The following ADORA3 variants were observed in gnomAD, a reference collection of about 807,000 sequenced individuals.
The protein encoded by ADORA3 is adenosine receptor A3.
Under a neutral mutation model 5.7 loss-of-function variants are expected in ADORA3, and 3 were observed. That is an observed-to-expected ratio of 0.52 (90% CI 0.24 to 1.35). ADORA3 has a LOEUF of 1.35. ADORA3 is among the 40% of genes most tolerant of loss of function. The probability of loss-of-function intolerance (pLI) is 0.17; values close to 1 mark genes in which losing one functional copy is unlikely to be tolerated. For synonymous variants in ADORA3, 168 were observed against 152.3 expected (o/e 1.10, Z -0.76); for missense variants, 343 against 389.0 (o/e 0.88, Z 0.99).
chr1:111,502,260 TATATAGGATATATATTCATTATAATAA>T (rs1557824396), intron 1 of ADORA3, among the ~76,000 whole-genome samples: 1 of 87,144 alleles, frequency 1.1e-5, no homozygotes, highest in Non-Finnish European at 2.1e-5. Context: ...TTATAATAAA[TATATAGGATATATATTCATTATAATAA>T]ATATATAGGA....
chr1:111,502,231 AAT>A lies in ADORA3; in HGVS notation c.350+772_350+773del, dbSNP rs1352318283. On this transcript the variant is annotated intron_variant, in intron 1 of 1. Coordinates refer to ENST00000241356, the MANE Select transcript of ADORA3 (RefSeq NM_000677.4). ...TATAGGATATATATTTATTATAATG[AAT>A]ATATAGGATATATTTATTATAATAA... 1.4e-4 allele frequency among the ~76,000 whole-genome samples: 3 copies of A among 21,642 alleles called. No homozygotes were observed. The East Asian group carries it at 2.4e-3, about 17-fold the overall frequency. The allele number at this position is 21,642 out of a possible 152,430, so 14.2% of individuals were successfully genotyped here.
chr1:111,500,067 G>C lies in ADORA3; in HGVS notation c.840C>G (p.Ile280Met). 1 of 1,614,208 alleles carries C rather than the reference G, an allele frequency of 6.2e-7. No homozygotes were observed. Among genetic ancestry groups the C allele is most frequent in the Non-Finnish European group, 8.5e-7 (1 of 1,180,038 alleles). ...ACTTCTTTATTTTATAGGCATAGAC[G>C]ATAGGGTTCATCATGGAGTTGGCAT... Reference protein sequence around the residue: ...LSHANSMMNPIVYAYKIKKFK... With the variant: ...LSHANSMMNPMVYAYKIKKFK... Residue 280 changes from isoleucine to methionine, a missense_variant, in exon 2 of 2, where the codon ATC (isoleucine) becomes ATG (methionine). By Grantham distance (10) the Ile-to-Met change is conservative. Coordinates refer to ENST00000241356, the MANE Select transcript of ADORA3 (RefSeq NM_000677.4).
Position 111,500,050 on chromosome 1 carries a change from A to G in ADORA3, c.857T>C (p.Ile286Thr). Reference protein sequence around the residue: ...MMNPIVYAYKIKKFKETYLLI... With the variant: ...MMNPIVYAYKTKKFKETYLLI... ...AAGGTAGGTTTCCTTGAACTTCTTT[A>G]TTTTATAGGCATAGACGATAGGGTT... Residue 286 changes from isoleucine (I) to threonine (T), a missense_variant, in exon 2 of 2, where the codon ATA (isoleucine) becomes ACA (threonine). Physicochemically the swap from Ile to Thr is moderately conservative, Grantham distance 89. Coordinates refer to ENST00000241356, the MANE Select transcript of ADORA3 (RefSeq NM_000677.4). 1 of 1,614,226 alleles carries G rather than the reference A, an allele frequency of 6.2e-7. No individual in the cohort carries two copies. Among genetic ancestry groups the G allele is most frequent in the South Asian group, 1.1e-5 (1 of 91,084 alleles).
rs770181778 is a variant in ADORA3, at chr1:111,499,982, A to G, written c.925T>C (p.Leu309=). 8 of 1,614,010 alleles carry G rather than the reference A, an allele frequency of 5.0e-6. No individual in the cohort carries two copies. The highest frequency in any genetic ancestry group is 6.8e-6 in the Non-Finnish European group (8 of 1,179,998). The change falls in exon 2 of 2, where the codon TTG becomes CTG. Residue 309 remains leucine, a synonymous_variant. Transcript: ENST00000241356. Reference sequence around the variant, plus strand: ...GAATTCTTCTCAATGCTTGTGTCCAAAGAATCAGAGGGATGGCAGACCACA... The same window carrying G: ...GAATTCTTCTCAATGCTTGTGTCCAGAGAATCAGAGGGATGGCAGACCACA... ...ACVVCHPSDS[L]DTSIEKNSE is the part of the protein sequence containing the mutation.
chr1:111,500,101 AG>A lies in ADORA3; in HGVS notation c.805del (p.Leu269CysfsTer8). 1 of 1,614,194 alleles carries A rather than the reference AG, an allele frequency of 6.2e-7. No homozygotes were observed. On this transcript the variant is annotated frameshift_variant, in exon 2 of 2. Coordinates refer to ENST00000241356, the MANE Select transcript of ADORA3 (RefSeq NM_000677.4). LOFTEE classifies it low-confidence loss of function (END_TRUNC). ...VPQLVLYMGI[L>X]LSHANSMMNP... ...CATCATGGAGTTGGCATGGGACAGC[AG>A]GATGCCCATGTACAGCACAAGCTGT... is the stretch of plus-strand genomic sequence containing the variant.
chr1:111,502,627 C>T (rs1655297991), intron 1 of ADORA3, among the ~76,000 whole-genome samples: 1 of 150,192 alleles, frequency 6.7e-6, no homozygotes. Context: ...TGTTTATCTG[C>T]CTGCTTCTCC....
At position 111,500,451 on chromosome 1, in the gene ADORA3, T is replaced by A. The variant is rs1251228786; in HGVS notation, c.456A>T (p.Lys152Asn). 6.2e-7 allele frequency: 1 copy of A among 1,614,186 alleles called. No homozygotes were observed. The highest frequency in any genetic ancestry group is 1.1e-5 in the South Asian group (1 of 91,078). ...CATTTCTGTGGTACTCTGAGGTCAG[T>A]TTCATGTTCCAGCCAAACATGGGGG... is the stretch of plus-strand genomic sequence containing the variant. The part of the protein sequence containing the change: ...GLTPMFGWNM[K>N]LTSEYHRNVT... The change falls in exon 2 of 2, where the codon AAA becomes AAT. Residue 152 changes from lysine (K) to asparagine (N), a missense_variant. Coordinates refer to ENST00000241356, the MANE Select transcript of ADORA3 (RefSeq NM_000677.4).
chr1:111,502,957 T>A, intron 1 of ADORA3, 48 bp downstream of exon 1: 1 of 1,597,182 alleles, frequency 6.3e-7, no homozygotes, highest in Non-Finnish European at 8.5e-7. Flanking sequence ...CTTTGTAGCC[T>A]CATTTCCCAG....
At position 111,502,248 on chromosome 1, in the gene ADORA3, T is replaced by TATTATAATAAATATATAGGATATATATTC. The variant is rs1557824359; in HGVS notation, c.350+728_350+756dup. Among the ~76,000 whole-genome samples, 3 of 75,632 alleles carry TATTATAATAAATATATAGGATATATATTC rather than the reference T, an allele frequency of 4.0e-5. No individual in the cohort carries two copies. In the East Asian group the frequency reaches 1.4e-3, roughly 34 times the overall value. The allele number at this position is 75,632 out of a possible 152,430, so 49.6% of individuals were successfully genotyped here. On this transcript the variant is annotated intron_variant, in intron 1 of 1. Coordinates refer to ENST00000241356, the MANE Select transcript of ADORA3 (RefSeq NM_000677.4). The stretch of plus-strand genomic sequence containing the variant: ...TTATAATGAATATATAGGATATATT[T>TATTATAATAAATATATAGGATATATATTC]ATTATAATAAATATATAGGATATAT...
At position 111,502,411 on chromosome 1, in the gene ADORA3, A is replaced by AAT. The variant is rs1184655881; in HGVS notation, c.350+593_350+594insAT. Among the ~76,000 whole-genome samples, 936 of 133,450 alleles carry AAT rather than the reference A, an allele frequency of 7.0e-3. 345 individuals carry two copies. Among genetic ancestry groups the AAT allele is most frequent in the East Asian group, 0.031 (148 of 4,734 alleles). 87.5% of individuals were successfully genotyped at this position (133,450 alleles called of 152,430 possible). On this transcript the variant is annotated intron_variant, in intron 1 of 1. Coordinates refer to ENST00000241356, the MANE Select transcript of ADORA3 (RefSeq NM_000677.4). ...TATATAGGATACATATATTTATTAT[A>AAT]GTGAATATATATAGGATACATATAT...
Position 111,503,072 on chromosome 1 carries a change from G to A in ADORA3, c.283C>T (p.His95Tyr). The A allele has an allele frequency of 6.2e-7, 1 of 1,614,164 alleles. No individual in the cohort carries two copies. Among genetic ancestry groups the A allele is most frequent in the Non-Finnish European group, 8.5e-7 (1 of 1,180,032 alleles). Residue 95 changes from histidine to tyrosine, a missense_variant, in exon 1 of 2, where the codon CAC becomes TAC. Transcript: ENST00000241356. ...FMTCLLLIFT[H>Y]ASIMSLLAIA... ...GCCAGCAAGGACATGATGGAGGCGTGGGTAAAGATAAGCAGTAGGCAAGTC... is the reference window on the plus strand; with the variant it reads ...GCCAGCAAGGACATGATGGAGGCGTAGGTAAAGATAAGCAGTAGGCAAGTC...
In ADORA3 at chr1:111,503,074, G is replaced by T; in HGVS notation, c.281C>A (p.Thr94Asn). Residue 94 changes from threonine to asparagine, a missense_variant, in exon 1 of 2, where the codon ACC (threonine) becomes AAC (asparagine). Thr to Asn is a moderately conservative substitution (Grantham distance 65, BLOSUM62 0). Transcript: ENST00000241356. ...CAGCAAGGACATGATGGAGGCGTGG[G>T]TAAAGATAAGCAGTAGGCAAGTCAT... ...LFMTCLLLIF[T>N]HASIMSLLAI... 1 of 1,614,208 alleles carries T rather than the reference G, an allele frequency of 6.2e-7. No individual in the cohort carries two copies. Among genetic ancestry groups the T allele is most frequent in the Non-Finnish European group, 8.5e-7 (1 of 1,180,026 alleles).
chr1:111,501,920 A>G (rs1221065262), intron 1 of ADORA3, among the ~76,000 whole-genome samples: 5 of 151,148 alleles, frequency 3.3e-5, no homozygotes, highest in Admixed American at 6.7e-5. Context: ...AGTTCGTTCT[A>G]TTCATATGGT....
chr1:111,500,746 C>A, intron 1 of ADORA3, 190 bp from the exon 2 acceptor site: 1 of 599,886 alleles, frequency 1.7e-6, no homozygotes. Context: ...GATACGAAGA[C>A]AAGATGAGCA....
chr1:111,502,046 TTA>T (rs1247283701), intron 1 of ADORA3, among the ~76,000 whole-genome samples: 86 of 39,616 alleles, frequency 2.2e-3, no homozygotes, highest in Admixed American at 5.0e-3. Flanking sequence ...GGATATATAT[TTA>T]ATATAATAAA....
In ADORA3 at chr1:111,499,945, G is replaced by A. The variant is rs768682866; in HGVS notation, c.*5C>T. 1.9e-6 allele frequency: 3 copies of A among 1,612,996 alleles called. No individual in the cohort carries two copies. The South Asian group carries it at 3.3e-5, about 18-fold the overall frequency. Reference sequence around the variant, plus strand: ...CAATGAGACAGAGTCATCTCTGATGGATAACTACTCAGAATTCTTCTCAAT... The same window carrying A: ...CAATGAGACAGAGTCATCTCTGATGAATAACTACTCAGAATTCTTCTCAAT... On this transcript the variant is annotated 3_prime_UTR_variant, in exon 2 of 2. Transcript: ENST00000241356.
At chr1:111,501,534 T>C (rs143922583) in intron 1 of ADORA3, among the ~76,000 whole-genome samples, 54 of 152,354 alleles carry the variant, frequency 3.5e-4, no homozygotes, top group African/African-American at 1.2e-3. Context: ...GTGTGACAGG[T>C]ATGTTTCTAA....
rs754483395 is a variant in ADORA3, at chr1:111,503,405, G to A, written c.-51C>T. ...AGGGACAGGTGAGCCAGCAAGATCC[G>A]TCTGTAGGGCCAGTGGGCCTAGCTC... On this transcript the variant is annotated 5_prime_UTR_variant, in exon 1 of 2. In the 5' UTR this introduces an upstream ATG that the reference lacks. Coordinates refer to ENST00000241356, the MANE Select transcript of ADORA3 (RefSeq NM_000677.4). The A allele has an allele frequency of 1.6e-4, 250 of 1,549,774 alleles. No homozygotes were observed. The highest frequency in any genetic ancestry group is 2.7e-4 in the Admixed American group (14 of 52,750).
rs1189703721 is a variant in ADORA3 at position 111,500,160 on chromosome 1, G to A, written c.747C>T (p.Ile249=). The A allele has an allele frequency of 1.9e-6, 3 of 1,614,160 alleles. No individual in the cohort carries two copies. Among genetic ancestry groups the A allele is most frequent in the Non-Finnish European group, 2.5e-6 (3 of 1,180,030 alleles). ...FALSWLPLSI[I]NCIIYFNGEV... ...CACCATTAAAGTAGATGATGCAGTT[G>A]ATGATAGATAAAGGCAGCCATGACA... Residue 249 remains isoleucine, a synonymous_variant, in exon 2 of 2, where the codon ATC becomes ATT. Coordinates refer to ENST00000241356, the MANE Select transcript of ADORA3 (RefSeq NM_000677.4).
Sources: allele counts gnomAD v4.1 joint callset (sites outside exome capture counted in the v4.1 genomes callset), GRCh38; gene constraint gnomAD v4.1.1; transcripts MANE v1.5; gene names NCBI Gene and HGNC (gene_info 2026-07-23, HGNC 2026-07-21).